The following RBMS3 variants were observed in gnomAD, a reference collection of about 807,000 sequenced individuals.
The protein encoded by RBMS3 is RNA binding motif single stranded interacting protein 3.
In RBMS3, 27 loss-of-function variants were observed where a neutral mutation model predicts 66.8. That is an observed-to-expected ratio of 0.40 (90% CI 0.30 to 0.56). RBMS3 has a LOEUF of 0.56. RBMS3 is among the 20% of genes least tolerant of loss of function. RBMS3 has a pLI of 0.40. For synonymous variants in RBMS3, 188 were observed against 183.0 expected (o/e 1.03, Z -0.22); for missense variants, 513 against 549.5 (o/e 0.93, Z 0.66).
chr3:29,721,762 G>A (rs1338129947), intron 4 of RBMS3, among the ~76,000 whole-genome samples: 1 of 152,196 alleles, frequency 6.6e-6, no homozygotes, highest in Non-Finnish European at 1.5e-5. Context: ...AGTCAGGTGA[G>A]CATGGGGATA....
At chr3:29,632,348 G>C (rs1342591945) in intron 4 of RBMS3, among the ~76,000 whole-genome samples, 1 of 151,818 alleles carries the variant, frequency 6.6e-6, no homozygotes, top group Non-Finnish European at 1.5e-5. Flanking sequence ...AACAGTCCTA[G>C]GGGGAGAAGA....
chr3:29,837,702 A>C (rs1559724228), intron 6 of RBMS3, among the ~76,000 whole-genome samples: 1 of 115,994 alleles, frequency 8.6e-6, no homozygotes, highest in African/African-American at 3.2e-5. Flanking sequence ...ATATATATAT[A>C]TATATGCTTA....
chr3:29,971,420 C>T (rs1161496864), intron 12 of RBMS3, among the ~76,000 whole-genome samples: 2 of 151,868 alleles, frequency 1.3e-5, no homozygotes, highest in Non-Finnish European at 2.9e-5. Context: ...TAAGTGGCTC[C>T]AGTTTCTTCT....
chr3:29,463,614 G>GA (rs3041556), intron 2 of RBMS3, among the ~76,000 whole-genome samples: 3,612 of 127,208 alleles, frequency 0.028, 61 homozygotes, highest in African/African-American at 0.052. Flanking sequence ...CTGGTTAGTT[G>GA]AAAAAAAAAA....
At chr3:29,360,033 T>C (rs545823499) in intron 1 of RBMS3, among the ~76,000 whole-genome samples, 2 of 152,202 alleles carry the variant, frequency 1.3e-5, no homozygotes, top group African/African-American at 2.4e-5. Context: ...GGGTTTTTTT[T>C]GTCTCTGTTT....
intron 4 of RBMS3, among the ~76,000 whole-genome samples, chr3:29,682,719 T>A (rs79234797): frequency 0.025 from 3,880 of 152,292 alleles, 159 homozygotes; most frequent in African/African-American, 0.086. Context: ...TCTATTCTGG[T>A]TCATTTTTGT....
At chr3:29,682,850 C>G (rs1223087148) in intron 4 of RBMS3, among the ~76,000 whole-genome samples, 2 of 152,156 alleles carry the variant, frequency 1.3e-5, no homozygotes, top group Non-Finnish European at 1.5e-5. Context: ...TTGGCAGAAA[C>G]TAGCATATTC....
intron 1 of RBMS3, among the ~76,000 whole-genome samples, chr3:29,374,071 A>G (rs938473284): frequency 3.3e-5 from 5 of 152,202 alleles, no homozygotes; most frequent in African/African-American, 9.6e-5. Context: ...TGGGACAGCA[A>G]TGGGCTTGCA....
At chr3:29,467,697 G>A (rs990111244) in intron 2 of RBMS3, among the ~76,000 whole-genome samples, 9 of 152,000 alleles carry the variant, frequency 5.9e-5, no homozygotes, top group Non-Finnish European at 1.3e-4. Flanking sequence ...TTTCACTTGG[G>A]CCAAAATTTC....
chr3:29,631,849 A>T (rs190443510), intron 4 of RBMS3, among the ~76,000 whole-genome samples: 156 of 151,916 alleles, frequency 1.0e-3, no homozygotes, highest in African/African-American at 3.5e-3. Flanking sequence ...ACTTTTCAAA[A>T]CTTCTTTCCT....
chr3:29,754,267 C>T (rs2055313425), intron 5 of RBMS3, among the ~76,000 whole-genome samples: 1 of 152,108 alleles, frequency 6.6e-6, no homozygotes, highest in Admixed American at 6.5e-5. Flanking sequence ...GATGGGAAAA[C>T]TCTAAGAATT....
At chr3:29,559,548 A>AAAAAAAC in intron 3 of RBMS3, among the ~76,000 whole-genome samples, 1 of 144,576 alleles carries the variant, frequency 6.9e-6, no homozygotes, top group Non-Finnish European at 1.5e-5. Flanking sequence ...AAAAAAAAAA[A>AAAAAAAC]AAAAACCTGA....
Position 29,733,865 on chromosome 3 carries a change from T to G in RBMS3, c.400-5855T>G, listed in dbSNP as rs540460199. Among the ~76,000 whole-genome samples, 11 of 152,268 alleles carry G rather than the reference T, an allele frequency of 7.2e-5. No homozygotes were observed. The South Asian group carries it at 2.1e-3, about 29-fold the overall frequency. On this transcript the variant is annotated intron_variant, in intron 4 of 14. Coordinates refer to ENST00000383767, the MANE Select transcript of RBMS3 (RefSeq NM_001003793.3). ...TTTCCCTTATGTAGTCTTCTAGTAG[T>G]TTACAGTTTGGGGGTCTTACATTTA...
In RBMS3 at chr3:30,006,531, A is replaced by G. The variant is rs778851912; in HGVS notation, c.*2669A>G. ...CTTTTGTTCCATCCTTCAGCTTCCC[A>G]TGCATTATAAAGGTGGCACTTAAGT... On this transcript the variant is annotated 3_prime_UTR_variant, in exon 15 of 15. Coordinates refer to ENST00000383767, the MANE Select transcript of RBMS3 (RefSeq NM_001003793.3). The G allele has an allele frequency of 2.6e-5, 4 of 151,906 alleles. No individual in the cohort carries two copies. Among genetic ancestry groups the G allele is most frequent in the African/African-American group, 4.8e-5 (2 of 41,408 alleles). 9.4% of individuals were successfully genotyped at this position (151,906 alleles called of 1,614,324 possible).
At chr3:29,697,585 C>T (rs2052337669) in intron 4 of RBMS3, among the ~76,000 whole-genome samples, 1 of 152,154 alleles carries the variant, frequency 6.6e-6, no homozygotes, top group Admixed American at 6.5e-5. Context: ...TGCCTGGGAC[C>T]AGAAGTGTTT....
intron 3 of RBMS3, among the ~76,000 whole-genome samples, chr3:29,544,342 C>A (rs1335482881): frequency 6.6e-6 from 1 of 151,894 alleles, no homozygotes; most frequent in East Asian, 1.9e-4. Flanking sequence ...ATTTGTTTTT[C>A]ACTGATGATA....
chr3:29,306,865 A>C (rs951763238), intron 1 of RBMS3, among the ~76,000 whole-genome samples: 1 of 151,582 alleles, frequency 6.6e-6, no homozygotes, highest in African/African-American at 2.4e-5. Flanking sequence ...ACCTCCTATA[A>C]CTAAGTCTTC....
intron 6 of RBMS3, among the ~76,000 whole-genome samples, chr3:29,818,131 T>G (rs2057967755): frequency 6.6e-6 from 1 of 152,158 alleles, no homozygotes; most frequent in South Asian, 2.1e-4. Context: ...CGACATTGTG[T>G]TGTCTAAATG....
At chr3:29,999,403 C>G (rs1308711216) in intron 14 of RBMS3, among the ~76,000 whole-genome samples, 1 of 152,118 alleles carries the variant, frequency 6.6e-6, no homozygotes, top group Admixed American at 6.5e-5. Context: ...CCCAGCCATC[C>G]CATTACTGGG....
Sources: gnomAD v4.1 joint callset for allele counts (sites outside exome capture counted in the v4.1 genomes callset) on GRCh38, gnomAD v4.1.1 for gene constraint, MANE v1.5 for transcripts, NCBI Gene and HGNC (gene_info 2026-07-23, HGNC 2026-07-21) for gene names.